The following ATP2A1 variants were observed in gnomAD, a reference collection of about 807,000 sequenced individuals.
ATP2A1 encodes the protein sarcoplasmic/endoplasmic reticulum calcium ATPase 1.
In ATP2A1, 83 loss-of-function variants were observed where a neutral mutation model predicts 109.5. That is an observed-to-expected ratio of 0.76 (90% CI 0.63 to 0.91). The LOEUF (loss-of-function observed/expected upper bound fraction) is 0.91, where lower values mean the gene tolerates loss of function less well. ATP2A1 is among the 40% of genes least tolerant of loss of function. The probability of loss-of-function intolerance (pLI) is 0.00; values close to 1 mark genes in which losing one functional copy is unlikely to be tolerated. For missense variants in ATP2A1, 1,101 were observed against 1,341.0 expected, an observed-to-expected ratio of 0.82 and a Z score of 2.80; for synonymous variants, 505 against 537.6, an observed-to-expected ratio of 0.94 and a Z score of 0.84.
At chr16:28,885,653 C>T (rs987177110) in intron 6 of ATP2A1, among the ~76,000 whole-genome samples, 11 of 152,114 alleles carry the variant, frequency 7.2e-5, no homozygotes, top group Admixed American at 3.9e-4. Context: ...ACCTGCTTGA[C>T]GTTTCCATTC....
Position 28,878,624 on chromosome 16 carries a change from AC to A in ATP2A1, c.-43del, listed in dbSNP as rs34875388. ...TGAGGAAGACCCCCCACGAGTGGGA[AC>A]CCCCTGGAAGGAACACACCGGCCCC... On this transcript the variant is annotated 5_prime_UTR_variant, in exon 1 of 23. Transcript: ENST00000395503. The A allele has an allele frequency of 1.7e-5, 26 of 1,500,244 alleles. No homozygotes were observed. Among genetic ancestry groups the A allele is most frequent in the Non-Finnish European group, 2.3e-5 (25 of 1,096,514 alleles). The allele number at this position is 1,500,244 out of a possible 1,614,324, so 92.9% of individuals were successfully genotyped here.
intron 9 of ATP2A1, 119 bp from the exon 10 acceptor site, chr16:28,894,036 T>C: frequency 1.3e-6 from 1 of 789,630 alleles, no homozygotes; most frequent in East Asian, 2.7e-5. Flanking sequence ...TGAGGAGGGG[T>C]GAGTAGGAGG....
At chr16:28,891,008 A>C (rs1416689623) in intron 9 of ATP2A1, among the ~76,000 whole-genome samples, 2 of 152,052 alleles carry the variant, frequency 1.3e-5, no homozygotes, top group Non-Finnish European at 1.5e-5. Context: ...TTAAAAATAC[A>C]TAGGAAGCTG....
Position 28,880,022 on chromosome 16 carries a change from C to G in ATP2A1, c.219+439C>G. 1.4e-5 allele frequency: 14 copies of G among 1,009,800 alleles called. 1 individual carries two copies. In the South Asian group the frequency reaches 4.7e-4, roughly 34 times the overall value. 62.6% of individuals were successfully genotyped at this position (1,009,800 alleles called of 1,614,324 possible). ...CCCCAGCCTCCTGACGCTGATTGGTCGAGGGGAGGACTCGCTCCTAGTGGC... is the reference window on the plus strand; with the variant it reads ...CCCCAGCCTCCTGACGCTGATTGGTGGAGGGGAGGACTCGCTCCTAGTGGC... On this transcript the variant is annotated intron_variant, in intron 3 of 22. Transcript: ENST00000395503. The surrounding 1 kb of genome is among the most constrained non-coding windows in gnomAD (Gnocchi z 4.2).
At chr16:28,884,088 G>A (rs546828702) in intron 5 of ATP2A1, among the ~76,000 whole-genome samples, 2 of 151,606 alleles carry the variant, frequency 1.3e-5, no homozygotes, top group South Asian at 2.1e-4. Flanking sequence ...CTCTCACCCC[G>A]ACACCCCTTC....
chr16:28,888,750 T>C lies in ATP2A1; in HGVS notation c.929-37T>C, dbSNP rs569245274. The C allele has an allele frequency of 2.5e-6, 4 of 1,608,706 alleles. No individual in the cohort carries two copies. In the South Asian group the frequency reaches 4.4e-5, roughly 18 times the overall value. ...TTGCAGGTTCCCTCACACCCTCCCC[T>C]TGCAGGTTCCCTCACACCCTCCCTC... On this transcript the variant is annotated intron_variant, in intron 8 of 22. Coordinates refer to ENST00000395503, the MANE Select transcript of ATP2A1 (RefSeq NM_004320.6).
At chr16:28,889,496 G>A (rs1370492204) in intron 9 of ATP2A1, among the ~76,000 whole-genome samples, 2 of 152,158 alleles carry the variant, frequency 1.3e-5, no homozygotes, top group Non-Finnish European at 2.9e-5. Flanking sequence ...GGCCTCAAGT[G>A]ATGTGCCCCT....
rs373908130 is a variant in ATP2A1, at chr16:28,888,740, C to T, written c.929-47C>T. The T allele has an allele frequency of 7.2e-5, 115 of 1,602,010 alleles. No individual in the cohort carries two copies. The African/African-American group carries it at 1.0e-3, about 14-fold the overall frequency. On this transcript the variant is annotated intron_variant, in intron 8 of 22. Coordinates refer to ENST00000395503, the MANE Select transcript of ATP2A1 (RefSeq NM_004320.6). The stretch of plus-strand genomic sequence containing the variant: ...ATTTAGCCCCTTGCAGGTTCCCTCA[C>T]ACCCTCCCCTTGCAGGTTCCCTCAC...
chr16:28,887,833 C>G (rs1963657080), intron 8 of ATP2A1, 111 bp downstream of exon 8: 2 of 1,383,960 alleles, frequency 1.4e-6, no homozygotes, highest in South Asian at 2.4e-5. Context: ...TGGAGTCTTG[C>G]TCTGTCACCC....
chr16:28,886,832 C>CAA (rs775292801), intron 6 of ATP2A1, among the ~76,000 whole-genome samples: 2 of 106,966 alleles, frequency 1.9e-5, no homozygotes, highest in Non-Finnish European at 4.0e-5. Flanking sequence ...ACTAAAAATA[C>CAA]AAAAAAAAAA....
chr16:28,887,812 GT>G, intron 8 of ATP2A1, 90 bp downstream of exon 8: 2 of 1,517,272 alleles, frequency 1.3e-6, no homozygotes, highest in Admixed American at 3.5e-5. Flanking sequence ...TTTCTTTTTT[GT>G]TTTTTGAGAT....
rs750021219 is a variant in ATP2A1 at position 28,900,814 on chromosome 16, G to C, written c.1998G>C (p.Gln666His). 1.2e-6 allele frequency: 2 copies of C among 1,614,112 alleles called. No homozygotes were observed. Among genetic ancestry groups the C allele is most frequent in the African/African-American group, 1.3e-5 (1 of 74,938 alleles). The change falls in exon 15 of 23, where the codon CAG becomes CAC. Residue 666 changes from glutamine (Q) to histidine (H), a missense_variant. Coordinates refer to ENST00000395503, the MANE Select transcript of ATP2A1 (RefSeq NM_004320.6). ...TCGACGACCTGCCCCTGGCTGAACA[G>C]CGGGAAGCCTGCCGACGTGCCTGCT... ...REFDDLPLAE[Q>H]REACRRACCF...
chr16:28,879,724 C>A, intron 3 of ATP2A1, 141 bp downstream of exon 3: 1 of 1,030,854 alleles, frequency 9.7e-7, no homozygotes, highest in South Asian at 1.4e-5. Flanking sequence ...CGCGCAGCAG[C>A]GGGTGTGATT....
At chr16:28,878,827 C>T (rs1375337126) in intron 1 of ATP2A1, 38 bp downstream of exon 1, 12 of 1,590,458 alleles carry the variant, frequency 7.5e-6, no homozygotes, top group African/African-American at 1.3e-5. Flanking sequence ...TAATTAATGC[C>T]CTCCTGCACC....
At chr16:28,893,122 G>A (rs1262505625) in intron 9 of ATP2A1, among the ~76,000 whole-genome samples, 1 of 151,756 alleles carries the variant, frequency 6.6e-6, no homozygotes, top group Non-Finnish European at 1.5e-5. Context: ...CATGGTGGGT[G>A]CCTGTACTCC....
Position 28,879,521 on chromosome 16 carries a change from G to T in ATP2A1, c.157G>T (p.Val53Leu), listed in dbSNP as rs1019275964. The T allele has an allele frequency of 6.2e-7, 1 of 1,614,022 alleles. No homozygotes were observed. The highest frequency in any genetic ancestry group is 1.3e-5 in the African/African-American group (1 of 74,912). ...CCCAGGGAAGACCCTGTGGGAGCTG[G>T]TGATAGAGCAGTTTGAAGACCTCCT... ...AEEGKTLWEL[V>L]IEQFEDLLVR... Residue 53 changes from valine to leucine, a missense_variant, in exon 3 of 23, where the codon GTG becomes TTG. Coordinates refer to ENST00000395503, the MANE Select transcript of ATP2A1 (RefSeq NM_004320.6).
At chr16:28,901,802 C>G in intron 15 of ATP2A1, 61 bp from the exon 16 acceptor site, 2 of 1,459,220 alleles carry the variant, frequency 1.4e-6, no homozygotes, top group Non-Finnish European at 9.4e-7. Context: ...AAAATAAAAC[C>G]TTTTTTAAAA....
At position 28,878,942 on chromosome 16, in the gene ATP2A1, A is replaced by C; in HGVS notation, c.118+153A>C. 10 of 1,342,518 alleles carry C rather than the reference A, an allele frequency of 7.4e-6. 1 individual carries two copies. The South Asian group carries it at 1.2e-4, about 16-fold the overall frequency. 83.2% of individuals were successfully genotyped at this position (1,342,518 alleles called of 1,614,324 possible). A position where few individuals can be genotyped will look rare whatever the true frequency, so the allele number is the denominator to read the frequency against. ...CGCAGGGGGAAGAAGATACTGAGAA[A>C]ACAGAGTCCCGAGATCCAGAGTTTT... On this transcript the variant is annotated intron_variant, in intron 1 of 22. Transcript: ENST00000395503.
At chr16:28,885,155 A>G in intron 6 of ATP2A1, among the ~76,000 whole-genome samples, 1 of 151,558 alleles carries the variant, frequency 6.6e-6, no homozygotes. Flanking sequence ...AGGCTGATAC[A>G]GTAGAACTGC....
Sources: allele counts gnomAD v4.1 joint callset (sites outside exome capture counted in the v4.1 genomes callset), GRCh38; gene constraint gnomAD v4.1.1; non-coding constraint Gnocchi (gnomAD v3.1); transcripts MANE v1.5; gene names NCBI Gene and HGNC (gene_info 2026-07-23, HGNC 2026-07-21).